SLC38A2: variants seen among roughly 807,000 people sequenced by gnomAD.
SLC38A2 encodes solute carrier family 38 member 2.
In SLC38A2, 11 loss-of-function variants were observed where a neutral mutation model predicts 61.5. That is an observed-to-expected ratio of 0.18 (90% CI 0.11 to 0.30). The LOEUF (loss-of-function observed/expected upper bound fraction) is 0.30, where lower values mean the gene tolerates loss of function less well. Among genes scored for constraint, SLC38A2 ranks in the 10% least tolerant of loss-of-function variants. The pLI, the probability that SLC38A2 is intolerant of heterozygous loss-of-function variation, is 1.00. For missense variants in SLC38A2, 522 were observed against 600.4 expected, an observed-to-expected ratio of 0.87 and a Z score of 1.36; for synonymous variants, 217 against 212.5, an observed-to-expected ratio of 1.02 and a Z score of -0.18.
chr12:46,369,826 T>C (rs1267454046), intron 4 of SLC38A2, among the ~76,000 whole-genome samples: 1 of 152,214 alleles, frequency 6.6e-6, no homozygotes, highest in Non-Finnish European at 1.5e-5. Flanking sequence ...CACGTATTTA[T>C]GCTGGAAAGC....
At chr12:46,370,113 T>C (rs1027149569) in intron 4 of SLC38A2, among the ~76,000 whole-genome samples, 1 of 152,204 alleles carries the variant, frequency 6.6e-6, no homozygotes, top group East Asian at 1.9e-4. Flanking sequence ...CACAGGTCCT[T>C]AAGAACTGTG....
At position 46,360,440 on chromosome 12, in the gene SLC38A2, A is replaced by G. The variant is rs1943069006; in HGVS notation, c.*671T>C. 6.6e-6 allele frequency: 1 copy of G among 152,206 alleles called. No individual in the cohort carries two copies. Among genetic ancestry groups the G allele is most frequent in the Non-Finnish European group, 1.5e-5 (1 of 68,024 alleles). The allele number at this position is 152,206 out of a possible 1,614,324, so 9.4% of individuals were successfully genotyped here. Reference sequence around the variant, plus strand: ...ATGGAAAAAACTATGCTCCTAATTCATGGTACAATTTTTCATTACATCATT... The same window carrying G: ...ATGGAAAAAACTATGCTCCTAATTCGTGGTACAATTTTTCATTACATCATT... On this transcript the variant is annotated 3_prime_UTR_variant, in exon 16 of 16. Coordinates refer to ENST00000256689, the MANE Select transcript of SLC38A2 (RefSeq NM_018976.5).
At chr12:46,368,717 T>C (rs1288778060) in intron 4 of SLC38A2, among the ~76,000 whole-genome samples, 1 of 152,228 alleles carries the variant, frequency 6.6e-6, no homozygotes, top group African/African-American at 2.4e-5. Flanking sequence ...CCAGAAGTTT[T>C]ACAGGACCTA....
chr12:46,364,321 G>A (rs1943115210), intron 10 of SLC38A2, 68 bp downstream of exon 10: 12 of 1,428,666 alleles, frequency 8.4e-6, no homozygotes, highest in South Asian at 5.7e-5. Context: ...CCTTTACCCT[G>A]GGAGTGAATA....
intron 2 of SLC38A2, 105 bp downstream of exon 2, chr12:46,371,073 T>C (rs771768961): frequency 2.6e-5 from 27 of 1,036,128 alleles, no homozygotes; most frequent in Non-Finnish European, 3.6e-5. Flanking sequence ...ACGCACCTTC[T>C]CTAAATGCTA....
At chr12:46,368,994 A>C (rs1943167307) in intron 4 of SLC38A2, among the ~76,000 whole-genome samples, 1 of 152,244 alleles carries the variant, frequency 6.6e-6, no homozygotes, top group Non-Finnish European at 1.5e-5. Flanking sequence ...ACTGATGAAT[A>C]AAATCACACT....
chr12:46,368,504 G>A (rs951404806), intron 4 of SLC38A2, among the ~76,000 whole-genome samples: 2 of 152,298 alleles, frequency 1.3e-5, no homozygotes, highest in Admixed American at 6.5e-5. Context: ...CCACCTAGGA[G>A]AGCCCAGAGA....
chr12:46,362,790 T>C, intron 13 of SLC38A2, 152 bp from the exon 14 acceptor site: 1 of 988,052 alleles, frequency 1.0e-6, no homozygotes, highest in Non-Finnish European at 1.4e-6. Context: ...CTTTCTCTGC[T>C]GTTTCCTGAA....
In SLC38A2 at chr12:46,361,069, A is replaced by G. The variant is rs753029497; in HGVS notation, c.*42T>C. 2.1e-5 allele frequency: 31 copies of G among 1,482,192 alleles called. No homozygotes were observed. The highest frequency in any genetic ancestry group is 2.9e-5 in the Non-Finnish European group (31 of 1,065,498). 91.8% of individuals were successfully genotyped at this position (1,482,192 alleles called of 1,614,324 possible). On this transcript the variant is annotated 3_prime_UTR_variant, in exon 16 of 16. Transcript: ENST00000256689. ...TTCATAGTAGTTGAGTTTACTCAACACTGGCATCAGATGGACTGAGTTTGA... is the reference window on the plus strand; with the variant it reads ...TTCATAGTAGTTGAGTTTACTCAACGCTGGCATCAGATGGACTGAGTTTGA...
rs1383653627 is a variant in SLC38A2 at position 46,364,469 on chromosome 12, T to C, written c.793A>G (p.Thr265Ala). The C allele has an allele frequency of 6.2e-7, 1 of 1,613,052 alleles. No homozygotes were observed. Among genetic ancestry groups the C allele is most frequent in the Admixed American group, 1.7e-5 (1 of 59,902 alleles). Residue 265 changes from threonine (T) to alanine (A), a missense_variant, in exon 10 of 16, where the codon ACA (threonine) becomes GCA (alanine). By Grantham distance (58) the Thr-to-Ala change is moderately conservative (BLOSUM62 0). Transcript: ENST00000256689. ...TGTGACAAAGCAGGTACAAGAGCTG[T>C]TGGCTGTGTTAAGGTGGTGTTTATT... ...ETINTTLTQP[T>A]ALVPALSHNV...
rs532811714 is a variant in SLC38A2, at chr12:46,368,870, A to G, written c.315-1530T>C. 2.1e-3 allele frequency among the ~76,000 whole-genome samples: 325 copies of G among 152,334 alleles called. 1 individual carries two copies. The highest frequency in any genetic ancestry group is 7.4e-3 in the African/African-American group (309 of 41,580). ...CTTTATAACCTTTGAGGTCACTTTCAACCTTCAGATTGATTCTACTTAAAC... is the reference window on the plus strand; with the variant it reads ...CTTTATAACCTTTGAGGTCACTTTCGACCTTCAGATTGATTCTACTTAAAC... On this transcript the variant is annotated intron_variant, in intron 4 of 15. Transcript: ENST00000256689.
chr12:46,369,512 T>C (rs1259747544), intron 4 of SLC38A2, among the ~76,000 whole-genome samples: 2 of 152,176 alleles, frequency 1.3e-5, no homozygotes, highest in African/African-American at 2.4e-5. Context: ...GTAAAACACA[T>C]CTGTCACAAA....
rs140070651 is a variant in SLC38A2 at position 46,358,911 on chromosome 12, G to C, written c.*2200C>G. ...CTCATTAATGGGAATTCATTGTTCA[G>C]GAACCTCAAGGTAGACAAGATAGCT... On this transcript the variant is annotated 3_prime_UTR_variant, in exon 16 of 16. Transcript: ENST00000256689. The C allele has an allele frequency of 6.6e-6, 1 of 152,620 alleles. No homozygotes were observed. The highest frequency in any genetic ancestry group is 1.9e-4 in the East Asian group (1 of 5,180). The allele number at this position is 152,620 out of a possible 1,614,324, so 9.5% of individuals were successfully genotyped here.
In SLC38A2 at chr12:46,370,819, A is replaced by G; in HGVS notation, c.155T>C (p.Leu52Ser). The change falls in exon 3 of 16, where the codon TTA becomes TCA. Residue 52 changes from leucine to serine, a missense_variant. By Grantham distance (145) the Leu-to-Ser change is moderately radical. Transcript: ENST00000256689. ...CTTCTTCCCCAAATTCGATTCAAGT[A>G]AAAAGTTCTGGTTTTCAGGATCTAC... ...ADVDPENQNF[L>S]LESNLGKKKY... 1 of 1,612,780 alleles carries G rather than the reference A, an allele frequency of 6.2e-7. No individual in the cohort carries two copies. Among genetic ancestry groups the G allele is most frequent in the Non-Finnish European group, 8.5e-7 (1 of 1,179,508 alleles).
rs139075475 is a variant in SLC38A2, at chr12:46,359,420, T to A, written c.*1691A>T. The A allele has an allele frequency of 2.0e-5, 3 of 152,758 alleles. No individual in the cohort carries two copies. The East Asian group carries it at 5.8e-4, about 29-fold the overall frequency. 9.5% of individuals were successfully genotyped at this position (152,758 alleles called of 1,614,324 possible). On this transcript the variant is annotated 3_prime_UTR_variant, in exon 16 of 16. Coordinates refer to ENST00000256689, the MANE Select transcript of SLC38A2 (RefSeq NM_018976.5). ...ATAAGGGTCTTTAATTACACATGTA[T>A]CTTGTTTGTAAATTTAGTCACATAT...
intron 3 of SLC38A2, 21 bp downstream of exon 3, chr12:46,370,755 A>C (rs748302002): frequency 4.4e-6 from 7 of 1,591,328 alleles, no homozygotes; most frequent in Middle Eastern, 1.7e-4. Context: ...ACTGACAGAC[A>C]AATTACTATT....
intron 7 of SLC38A2, among the ~76,000 whole-genome samples, chr12:46,366,533 TA>T (rs761251535): frequency 4.6e-5 from 7 of 152,216 alleles, no homozygotes; most frequent in Non-Finnish European, 7.3e-5. Flanking sequence ...GATTAATTTT[TA>T]ATGTAATTCA....
intron 4 of SLC38A2, among the ~76,000 whole-genome samples, chr12:46,369,711 T>C (rs1428338072): frequency 6.6e-6 from 1 of 152,128 alleles, no homozygotes; most frequent in Non-Finnish European, 1.5e-5. Flanking sequence ...GCTTTTTCCC[T>C]GGAAATAAGA....
chr12:46,363,499 C>A (rs760603919), intron 12 of SLC38A2, among the ~76,000 whole-genome samples: 9 of 151,902 alleles, frequency 5.9e-5, no homozygotes, highest in Non-Finnish European at 1.0e-4. Context: ...ACAAATATGC[C>A]ATCAAATGAT....
Sources: allele counts gnomAD v4.1 joint callset (sites outside exome capture counted in the v4.1 genomes callset), GRCh38; gene constraint gnomAD v4.1.1; transcripts MANE v1.5; gene names NCBI Gene and HGNC (gene_info 2026-07-23, HGNC 2026-07-21).